PARVB: variants seen among roughly 807,000 people sequenced by gnomAD.
PARVB encodes the protein parvin beta.
A neutral mutation model predicts 47.0 loss-of-function variants in PARVB; 46 were observed. That is an observed-to-expected ratio of 0.98 (90% CI 0.77 to 1.25). The LOEUF is 1.25. Ranked by LOEUF, PARVB falls within the 50% of genes most tolerant of loss-of-function variation. PARVB has a pLI of 0.00. For synonymous variants in PARVB, 196 were observed against 196.3 expected, an observed-to-expected ratio of 1.00 and a Z score of 0.01; for missense variants, 473 against 471.6, an observed-to-expected ratio of 1.00 and a Z score of -0.03.
intron 1 of PARVB, among the ~76,000 whole-genome samples, chr22:44,088,498 G>A (rs190548882): frequency 7.7e-4 from 118 of 152,274 alleles, no homozygotes; most frequent in Middle Eastern, 3.4e-3. Flanking sequence ...GACAGACGGA[G>A]TCTCGCTGTG....
At chr22:44,134,594 G>A (rs1037046332) in intron 6 of PARVB, among the ~76,000 whole-genome samples, 9 of 152,202 alleles carry the variant, frequency 5.9e-5, no homozygotes, top group Admixed American at 1.3e-4. Context: ...AGAATGAAAC[G>A]GGAGCAGGGG....
chr22:44,067,148 A>G (rs575971836), intron 1 of PARVB, among the ~76,000 whole-genome samples: 1 of 152,130 alleles, frequency 6.6e-6, no homozygotes, highest in South Asian at 2.1e-4. Flanking sequence ...GGCCCCTTTA[A>G]TTTATTCTGA....
chr22:44,060,152 TA>T (rs1376921445), intron 1 of PARVB, among the ~76,000 whole-genome samples: 1 of 151,844 alleles, frequency 6.6e-6, no homozygotes, highest in Non-Finnish European at 1.5e-5. Context: ...CCATCTCTAC[TA>T]AAAATACAAA....
intron 2 of PARVB, among the ~76,000 whole-genome samples, chr22:44,002,685 G>C (rs11912144): frequency 6.6e-6 from 1 of 152,144 alleles, no homozygotes; most frequent in Non-Finnish European, 1.5e-5. Flanking sequence ...TGCATTAAAC[G>C]TGAGGCCTGT....
chr22:44,082,640 T>C (rs1299601462), intron 1 of PARVB, among the ~76,000 whole-genome samples: 2 of 152,192 alleles, frequency 1.3e-5, no homozygotes, highest in Non-Finnish European at 2.9e-5. Context: ...GACAAGAAGC[T>C]CACCGGCCCC....
At chr22:44,064,168 G>A (rs1288901055) in intron 1 of PARVB, among the ~76,000 whole-genome samples, 2 of 152,170 alleles carry the variant, frequency 1.3e-5, no homozygotes, top group Non-Finnish European at 2.9e-5. Flanking sequence ...GGCCACGTCA[G>A]CCAGTCTTCC....
intron 4 of PARVB, among the ~76,000 whole-genome samples, chr22:44,124,936 G>C (rs992310529): frequency 6.6e-6 from 1 of 152,120 alleles, no homozygotes; most frequent in Non-Finnish European, 1.5e-5. Context: ...AGAGAAACTT[G>C]GCCCTGAAAA....
chr22:44,115,021 C>T (rs796357654), intron 3 of PARVB: 3 of 85,082 alleles, frequency 3.5e-5, no homozygotes, highest in African/African-American at 1.9e-4. Context: ...TAAGGCCCTG[C>T]ACCAACACAG....
intron 9 of PARVB, 167 bp downstream of exon 9, chr22:44,148,089 A>G (rs1318310731): frequency 7.7e-6 from 5 of 645,502 alleles, no homozygotes; most frequent in Non-Finnish European, 1.1e-5. Context: ...AGTGCATAAA[A>G]TCAGCGCCTT....
At chr22:44,110,005 T>C (rs975318856) in intron 3 of PARVB, 4 of 144,780 alleles carry the variant, frequency 2.8e-5, no homozygotes, top group Non-Finnish European at 6.0e-5. Flanking sequence ...CCCAGCTACT[T>C]GGGAGGCTGA....
chr22:44,074,208 G>A (rs978286582), intron 1 of PARVB, among the ~76,000 whole-genome samples: 7 of 152,206 alleles, frequency 4.6e-5, no homozygotes, highest in African/African-American at 1.7e-4. Flanking sequence ...GCAGAGAGAC[G>A]GGGGCATGGG....
chr22:44,157,537 T>G (rs998228321), intron 10 of PARVB, among the ~76,000 whole-genome samples: 2 of 152,172 alleles, frequency 1.3e-5, no homozygotes, highest in African/African-American at 2.4e-5. Flanking sequence ...TTCACTTGAT[T>G]CCAGATTCTC....
chr22:44,157,006 C>T (rs1166533761), intron 10 of PARVB, among the ~76,000 whole-genome samples: 5 of 152,280 alleles, frequency 3.3e-5, no homozygotes, highest in South Asian at 2.1e-4. Context: ...CGCTTACACA[C>T]GGTTAAGATG....
chr22:44,076,011 G>A (rs1205159678), intron 1 of PARVB, among the ~76,000 whole-genome samples: 1 of 152,250 alleles, frequency 6.6e-6, no homozygotes, highest in East Asian at 1.9e-4. Flanking sequence ...GTGGGGCAGG[G>A]GACCTGGAGC....
At chr22:44,127,625 A>C (rs2053215986) in intron 4 of PARVB, among the ~76,000 whole-genome samples, 1 of 152,208 alleles carries the variant, frequency 6.6e-6, no homozygotes, top group African/African-American at 2.4e-5. Context: ...GTTCTGGCAA[A>C]GGTCAGTCAC....
intron 1 of PARVB, among the ~76,000 whole-genome samples, chr22:44,088,290 G>A (rs2052080520): frequency 6.6e-6 from 1 of 152,154 alleles, no homozygotes; most frequent in South Asian, 2.1e-4. Flanking sequence ...GGGGAGAGGG[G>A]AACACCCAGG....
intron 2 of PARVB, among the ~76,000 whole-genome samples, chr22:44,001,547 G>A (rs930017177): frequency 2.6e-5 from 4 of 152,108 alleles, no homozygotes; most frequent in South Asian, 4.1e-4. Context: ...GTTGAATACC[G>A]TACATGACAT....
chr22:44,092,678 C>G (rs1601589773), intron 1 of PARVB, among the ~76,000 whole-genome samples: 4 of 152,104 alleles, frequency 2.6e-5, no homozygotes, highest in Admixed American at 2.6e-4. Context: ...TTCCAAAGGC[C>G]CTGGCATTTT....
intron 7 of PARVB, chr22:44,139,731 A>G (rs986368454): frequency 1.0e-4 from 22 of 217,378 alleles, no homozygotes; most frequent in African/African-American, 4.7e-4. Context: ...GATTACAGGC[A>G]TGAGCCCCTG....
Sources: gnomAD v4.1 joint callset for allele counts (sites outside exome capture counted in the v4.1 genomes callset) on GRCh38, gnomAD v4.1.1 for gene constraint, MANE v1.5 for transcripts, NCBI Gene and HGNC (gene_info 2026-07-23, HGNC 2026-07-21) for gene names.